Variants in PARD3B observed in about 807,000 individuals in gnomAD.
PARD3B encodes par-3 family cell polarity regulator beta, also known as partitioning defective 3 homolog B.
Under a neutral mutation model 130.2 loss-of-function variants are expected in PARD3B, and 103 were observed. The observed-to-expected ratio is 0.79, with a 90% CI of 0.67 to 0.93. The LOEUF (loss-of-function observed/expected upper bound fraction) is 0.93. PARD3B is among the 40% of genes least tolerant of loss of function. The pLI, the probability that PARD3B is intolerant of heterozygous loss-of-function variation, is 0.00. For synonymous variants in PARD3B, 583 were observed against 553.2 expected (o/e 1.05, Z -0.76); for missense variants, 1,609 against 1,499.2 (o/e 1.07, Z -1.21).
At chr2:204,847,772 A>C (rs2044524497) in intron 2 of PARD3B, among the ~76,000 whole-genome samples, 1 of 152,184 alleles carries the variant, frequency 6.6e-6, no homozygotes, top group African/African-American at 2.4e-5. Flanking sequence ...TGGCAATTTG[A>C]ATATGCTAAA....
intron 16 of PARD3B, among the ~76,000 whole-genome samples, chr2:205,278,030 A>G (rs987467545): frequency 1.3e-5 from 2 of 152,206 alleles, no homozygotes; most frequent in African/African-American, 4.8e-5. Context: ...AGGTAGCACC[A>G]TGCTTGGACG....
intron 4 of PARD3B, among the ~76,000 whole-genome samples, chr2:205,071,723 A>ATG (rs1315531735): frequency 6.6e-6 from 1 of 152,162 alleles, no homozygotes; most frequent in Non-Finnish European, 1.5e-5. Flanking sequence ...TGTATCACGT[A>ATG]TGTGTGTGTG....
At chr2:204,802,229 CAT>C (rs1311080239) in intron 2 of PARD3B, among the ~76,000 whole-genome samples, 1 of 152,124 alleles carries the variant, frequency 6.6e-6, no homozygotes, top group Non-Finnish European at 1.5e-5. Flanking sequence ...GGCCAATAAA[CAT>C]ATGAACAAAA....
chr2:205,435,466 A>G (rs2047480531), intron 19 of PARD3B, among the ~76,000 whole-genome samples: 1 of 152,038 alleles, frequency 6.6e-6, no homozygotes, highest in Non-Finnish European at 1.5e-5. Flanking sequence ...TTATTTTCAT[A>G]ACATAAATTT....
rs762260221 is a variant in PARD3B, at chr2:204,982,612, AACTC to A, written c.394+17294_394+17297del. On this transcript the variant is annotated intron_variant, in intron 3 of 22. Transcript: ENST00000406610. ...CTGACTCATGTTTCACACCAGTACC[AACTC>A]ACTCTAACACTCACAATCTTTCAGC... 1.1e-4 allele frequency among the ~76,000 whole-genome samples: 16 copies of A among 152,334 alleles called. No individual in the cohort carries two copies. In the East Asian group the frequency reaches 2.5e-3, roughly 24 times the overall value.
Position 205,362,601 on chromosome 2 carries a change from A to G in PARD3B, c.2631-38412A>G, listed in dbSNP as rs1574808719. Among the ~76,000 whole-genome samples, 3 of 152,216 alleles carry G rather than the reference A, an allele frequency of 2.0e-5. No homozygotes were observed. The South Asian group carries it at 6.2e-4, about 31-fold the overall frequency. On this transcript the variant is annotated intron_variant, in intron 18 of 22. Coordinates refer to ENST00000406610, the MANE Select transcript of PARD3B (RefSeq NM_001302769.2). ...ATCTCCTAGGTAGTCTAACAGACATAACAAGGGCCTATAATCTTAATCACA... is the reference window on the plus strand; with the variant it reads ...ATCTCCTAGGTAGTCTAACAGACATGACAAGGGCCTATAATCTTAATCACA...
chr2:205,423,917 C>G (rs1469985952), intron 19 of PARD3B, among the ~76,000 whole-genome samples: 1 of 152,032 alleles, frequency 6.6e-6, no homozygotes, highest in African/African-American at 2.4e-5. Flanking sequence ...ACAACACACA[C>G]TGGGGCCTTT....
At chr2:205,031,815 G>T (rs2125363020) in intron 3 of PARD3B, among the ~76,000 whole-genome samples, 1 of 152,178 alleles carries the variant, frequency 6.6e-6, no homozygotes, top group East Asian at 1.9e-4. Context: ...TTTATTCATA[G>T]GTCTTGTGGG....
intron 2 of PARD3B, among the ~76,000 whole-genome samples, chr2:204,909,947 G>A (rs892456390): frequency 1.3e-5 from 2 of 152,108 alleles, no homozygotes; most frequent in Non-Finnish European, 2.9e-5. Flanking sequence ...AATGTGTAGA[G>A]TCAGGGATGA....
chr2:205,345,226 T>A (rs2043705399), intron 18 of PARD3B, among the ~76,000 whole-genome samples: 1 of 152,192 alleles, frequency 6.6e-6, no homozygotes, highest in Non-Finnish European at 1.5e-5. Flanking sequence ...TATGTACTTT[T>A]ATGCTAAGTA....
intron 3 of PARD3B, among the ~76,000 whole-genome samples, chr2:205,005,016 C>T (rs1695140908): frequency 6.6e-6 from 1 of 152,142 alleles, no homozygotes; most frequent in African/African-American, 2.4e-5. Flanking sequence ...AACCAACCTT[C>T]TAGTTTTAAA....
Position 205,422,914 on chromosome 2 carries a change from A to G in PARD3B, c.2742-17456A>G, listed in dbSNP as rs548728850. Reference sequence around the variant, plus strand: ...TCCCATGGACAAACAGTCATTGCCTATCCTAACAAATGAAACATCCTCATT... The same window carrying G: ...TCCCATGGACAAACAGTCATTGCCTGTCCTAACAAATGAAACATCCTCATT... On this transcript the variant is annotated intron_variant, in intron 19 of 22. Transcript: ENST00000406610. Among the ~76,000 whole-genome samples the G allele has an allele frequency of 2.6e-5, 4 of 152,332 alleles. No homozygotes were observed. The South Asian group carries it at 8.3e-4, about 32-fold the overall frequency.
chr2:205,185,412 C>T (rs1402408249), intron 13 of PARD3B, among the ~76,000 whole-genome samples: 1 of 152,112 alleles, frequency 6.6e-6, no homozygotes, highest in Non-Finnish European at 1.5e-5. Flanking sequence ...GACTTGTTTA[C>T]AAAAATATTA....
chr2:205,134,367 A>AT (rs1347385966), intron 10 of PARD3B, among the ~76,000 whole-genome samples: 1 of 151,616 alleles, frequency 6.6e-6, no homozygotes, highest in Middle Eastern at 3.2e-3. Flanking sequence ...TACAAAAAAA[A>AT]AAAAAAATTA....
At chr2:205,052,984 G>A (rs553777749) in intron 4 of PARD3B, among the ~76,000 whole-genome samples, 71 of 152,288 alleles carry the variant, frequency 4.7e-4, no homozygotes, top group African/African-American at 1.3e-3. Flanking sequence ...ACTGAGACAA[G>A]AAGGGAAAAT....
intron 3 of PARD3B, among the ~76,000 whole-genome samples, chr2:205,023,452 CT>C (rs11319827): frequency 0.46 from 40,720 of 88,638 alleles, 8,242 homozygotes; most frequent in Middle Eastern, 0.54. Flanking sequence ...ATGCCCACAC[CT>C]TTTTTTTTTT....
At chr2:205,379,014 T>C (rs887419400) in intron 18 of PARD3B, among the ~76,000 whole-genome samples, 2 of 151,996 alleles carry the variant, frequency 1.3e-5, no homozygotes, top group Non-Finnish European at 2.9e-5. Context: ...GATTAAGAGT[T>C]ATCAGTAGGT....
chr2:204,786,601 C>T (rs1284628580), intron 2 of PARD3B, among the ~76,000 whole-genome samples: 1 of 151,820 alleles, frequency 6.6e-6, no homozygotes, highest in Non-Finnish European at 1.5e-5. Context: ...GGAACTTCAT[C>T]TGGCTAATAA....
At chr2:205,524,818 A>C (rs1472579795) in intron 21 of PARD3B, among the ~76,000 whole-genome samples, 1 of 152,116 alleles carries the variant, frequency 6.6e-6, no homozygotes, top group Non-Finnish European at 1.5e-5. Flanking sequence ...GTTGGTTTTG[A>C]GCTGGCACCA....
Sources: gnomAD v4.1 joint callset for allele counts (sites outside exome capture counted in the v4.1 genomes callset) on GRCh38, gnomAD v4.1.1 for gene constraint, MANE v1.5 for transcripts, NCBI Gene and HGNC (gene_info 2026-07-23, HGNC 2026-07-21) for gene names.